The following DPH6 variants were observed in gnomAD, a reference collection of about 807,000 sequenced individuals.
The protein encoded by DPH6 is diphthamine biosynthesis 6.
DPH6 carries 33 observed loss-of-function variants against 38.2 expected under a neutral mutation model. That is an observed-to-expected ratio of 0.86 (90% CI 0.65 to 1.15). The LOEUF (loss-of-function observed/expected upper bound fraction) is 1.15. Among genes scored for constraint, DPH6 ranks in the 50% most tolerant of loss-of-function variants. The probability of loss-of-function intolerance (pLI) is 0.00; values close to 1 mark genes in which losing one functional copy is unlikely to be tolerated. For missense variants in DPH6, 325 were observed against 320.0 expected (o/e 1.02, Z -0.12); for synonymous variants, 108 against 103.0 (o/e 1.05, Z -0.30).
At chr15:35,233,041 C>T (rs573880628) in intron 3 of DPH6, among the ~76,000 whole-genome samples, 1 of 152,286 alleles carries the variant, frequency 6.6e-6, no homozygotes, top group South Asian at 2.1e-4. Context: ...GCCGTGGTGG[C>T]TCATGCCTGT....
intron 3 of DPH6, chr15:35,238,318 A>T: frequency 3.1e-6 from 1 of 319,272 alleles, no homozygotes; most frequent in Non-Finnish European, 5.9e-6. Context: ...GCTGTCAGGA[A>T]CAGTATGGCA....
At chr15:35,176,070 G>A in the DPH6 span, among the ~76,000 whole-genome samples, 1 of 152,164 alleles carries the variant, frequency 6.6e-6, no homozygotes, top group Non-Finnish European at 1.5e-5. Flanking sequence ...ACAATTTAAG[G>A]TTAAGATGGA....
chr15:35,446,173 A>G (rs2053849422), intron 5 of DPH6, among the ~76,000 whole-genome samples: 1 of 151,586 alleles, frequency 6.6e-6, no homozygotes, highest in African/African-American at 2.4e-5. Context: ...ATAAATTTAC[A>G]GTATTGATAA....
chr15:35,307,557 G>A (rs1203954190), intron 3 of DPH6, among the ~76,000 whole-genome samples: 1 of 152,008 alleles, frequency 6.6e-6, no homozygotes. Context: ...TAACAAAATT[G>A]AAATACAGAT....
chr15:35,316,003 T>C (rs1367236991), intron 3 of DPH6, among the ~76,000 whole-genome samples: 2 of 152,098 alleles, frequency 1.3e-5, no homozygotes, highest in Non-Finnish European at 2.9e-5. Context: ...CTTGAGAAGA[T>C]ATAGAGTAGA....
chr15:35,343,930 G>A (rs1195172879), intron 3 of DPH6, among the ~76,000 whole-genome samples: 3 of 151,922 alleles, frequency 2.0e-5, no homozygotes, highest in African/African-American at 7.2e-5. Flanking sequence ...AGGAAGGCAG[G>A]AAGCTTTGCA....
intron 3 of DPH6, among the ~76,000 whole-genome samples, chr15:35,459,282 T>C (rs2054033972): frequency 6.6e-6 from 1 of 152,172 alleles, no homozygotes; most frequent in Non-Finnish European, 1.5e-5. Context: ...TTGCTGTGTC[T>C]TCACATGGTT....
At chr15:35,203,823 T>C in the DPH6 span, among the ~76,000 whole-genome samples, 1,854 of 151,830 alleles carry the variant, frequency 0.012, 19 homozygotes, top group Non-Finnish European at 0.019. Flanking sequence ...ATCTAGGGCA[T>C]AGCATTTTGA....
chr15:35,167,825 C>T, the DPH6 span, among the ~76,000 whole-genome samples: 1 of 151,966 alleles, frequency 6.6e-6, no homozygotes, highest in South Asian at 2.1e-4. Flanking sequence ...CATCACCTAC[C>T]CAAATTATGA....
At chr15:35,287,720 A>T (rs1421016279) in intron 3 of DPH6, among the ~76,000 whole-genome samples, 5 of 151,620 alleles carry the variant, frequency 3.3e-5, no homozygotes, top group Non-Finnish European at 5.9e-5. Context: ...CCTTACTTAA[A>T]TTTTTTTTTC....
chr15:35,405,730 C>G (rs1407824919), intron 6 of DPH6, among the ~76,000 whole-genome samples: 2 of 152,036 alleles, frequency 1.3e-5, no homozygotes, highest in African/African-American at 4.8e-5. Context: ...ACTTCCAGTA[C>G]TATGTTGAAT....
At chr15:35,514,113 G>A (rs2141222142) in intron 3 of DPH6, among the ~76,000 whole-genome samples, 1 of 152,128 alleles carries the variant, frequency 6.6e-6, no homozygotes, top group East Asian at 1.9e-4. Context: ...TAGGGACTCA[G>A]TAATTCTCAA....
chr15:35,366,061 T>C (rs75919933), downstream of DPH6: 1 of 970,126 alleles, frequency 1.0e-6, no homozygotes, highest in East Asian at 1.1e-4. Flanking sequence ...CTTCTTACTT[T>C]CTTTGTCCTA....
chr15:35,269,923 T>C (rs189408813), intron 3 of DPH6, among the ~76,000 whole-genome samples: 257 of 151,470 alleles, frequency 1.7e-3, no homozygotes, highest in East Asian at 4.9e-3. Flanking sequence ...CCCGAGTAGC[T>C]GGGACTACAG....
the DPH6 span, among the ~76,000 whole-genome samples, chr15:35,188,937 T>C: frequency 2.6e-5 from 4 of 152,182 alleles, no homozygotes; most frequent in Admixed American, 1.3e-4. Flanking sequence ...GCCCTGGTAT[T>C]TGAAGCATTA....
At chr15:35,379,089 T>A (rs1448612282) in intron 7 of DPH6, among the ~76,000 whole-genome samples, 2 of 152,212 alleles carry the variant, frequency 1.3e-5, no homozygotes, top group Non-Finnish European at 2.9e-5. Flanking sequence ...GCTTCCCACA[T>A]TTCTTGGCTC....
At chr15:35,523,122 T>C (rs1188195394) in intron 3 of DPH6, among the ~76,000 whole-genome samples, 9 of 152,088 alleles carry the variant, frequency 5.9e-5, no homozygotes, top group African/African-American at 1.7e-4. Flanking sequence ...CCAGAAATAT[T>C]GAACCAATTT....
chr15:35,152,346 G>C, the DPH6 span, among the ~76,000 whole-genome samples: 1 of 151,894 alleles, frequency 6.6e-6, no homozygotes, highest in Non-Finnish European at 1.5e-5. Flanking sequence ...TCATCCTCTT[G>C]AAGAGTCACA....
At chr15:35,237,358 G>C in intron 3 of DPH6, 1 of 1,597,840 alleles carries the variant, frequency 6.3e-7, no homozygotes, top group Non-Finnish European at 8.6e-7. Context: ...ATTTAGAGCT[G>C]CGGAACAGGA....
Sources: gnomAD v4.1 joint callset for allele counts (sites outside exome capture counted in the v4.1 genomes callset) on GRCh38, gnomAD v4.1.1 for gene constraint, MANE v1.5 for transcripts, NCBI Gene and HGNC (gene_info 2026-07-23, HGNC 2026-07-21) for gene names.